Variants in NPC1 observed in about 807,000 individuals in gnomAD.
NPC1 encodes Niemann-Pick C1 protein.
A neutral mutation model predicts 140.4 loss-of-function variants in NPC1; 85 were observed. That is an observed-to-expected ratio of 0.61 (90% confidence interval 0.51 to 0.72). NPC1 has a LOEUF of 0.72. NPC1 is among the 30% of genes least tolerant of loss of function. The pLI is 0.00. For synonymous variants in NPC1, 656 were observed against 624.8 expected, an observed-to-expected ratio of 1.05 and a Z score of -0.74; for missense variants, 1,504 against 1,623.8, an observed-to-expected ratio of 0.93 and a Z score of 1.27.
intron 9 of NPC1, among the ~76,000 whole-genome samples, chr18:23,553,819 G>C (rs946315720): frequency 6.6e-6 from 1 of 152,078 alleles, no homozygotes; most frequent in Non-Finnish European, 1.5e-5. Flanking sequence ...TGCCCAGCTA[G>C]ACATGCCTCC....
Position 23,574,140 on chromosome 18 carries a change from CAAAAGA to C in NPC1, c.58-572_58-567del, listed in dbSNP as rs551852251. Among the ~76,000 whole-genome samples the C allele has an allele frequency of 2.8e-4, 43 of 152,284 alleles. No individual in the cohort carries two copies. The South Asian group carries it at 8.7e-3, about 31-fold the overall frequency. The stretch of plus-strand genomic sequence containing the variant: ...TTAAGGAAAAACACCGAGGCAATCT[CAAAAGA>C]AAATTTTAAAACCTCTTATGTAAAG... On this transcript the variant is annotated intron_variant, in intron 1 of 24. Transcript: ENST00000269228.
At chr18:23,566,111 AT>A (rs1256637788) in intron 4 of NPC1, among the ~76,000 whole-genome samples, 3 of 152,208 alleles carry the variant, frequency 2.0e-5, no homozygotes, top group East Asian at 1.9e-4. Context: ...CATTAAAAAA[AT>A]AATGGACTCG....
At chr18:23,574,531 T>C (rs1296486360) in intron 1 of NPC1, among the ~76,000 whole-genome samples, 1 of 152,086 alleles carries the variant, frequency 6.6e-6, no homozygotes, top group Non-Finnish European at 1.5e-5. Context: ...GGCAAGAAGC[T>C]AAGTCAGTCT....
At chr18:23,519,189 CG>C, downstream of NPC1, 1 of 1,604,866 alleles carries the variant, frequency 6.2e-7, no homozygotes, top group East Asian at 2.2e-5. Flanking sequence ...AAGCTGTCTG[CG>C]TTTCTACCAA....
Position 23,551,706 on chromosome 18 carries a change from A to G in NPC1, c.1575T>C (p.Asp525=). Residue 525 remains aspartate, a synonymous_variant, in exon 10 of 25, where the codon GAT becomes GAC. Coordinates refer to ENST00000269228, the MANE Select transcript of NPC1 (RefSeq NM_000271.5). ...GACAAGGGTCATGGAGCAAACTTGT[A>G]TCATTCAGAGAGGCAGGAGCCCTGC... ...YCVRAPASLN[D]TSLLHDPCLG... is the part of the protein sequence containing the mutation. 1 of 1,614,172 alleles carries G rather than the reference A, an allele frequency of 6.2e-7. No homozygotes were observed. The highest frequency in any genetic ancestry group is 1.1e-5 in the South Asian group (1 of 91,086).
chr18:23,534,636 G>A, intron 22 of NPC1, 77 bp from the exon 23 acceptor site: 1 of 1,181,788 alleles, frequency 8.5e-7, no homozygotes, highest in Non-Finnish European at 1.2e-6. Context: ...CTGAGGATGG[G>A]TGCTAATTAC....
chr18:23,536,294 C>G (rs1048653756), intron 21 of NPC1, among the ~76,000 whole-genome samples: 1 of 152,204 alleles, frequency 6.6e-6, no homozygotes, highest in Admixed American at 6.5e-5. Flanking sequence ...AGTCTACATA[C>G]AGGCAGCATC....
downstream of NPC1, chr18:23,527,819 C>T (rs1372051532): frequency 1.9e-6 from 3 of 1,614,046 alleles, no homozygotes; most frequent in Non-Finnish European, 1.7e-6. Context: ...GACAGAGCAT[C>T]GCTGCCCGTG....
Position 23,539,516 on chromosome 18 carries a change from G to A in NPC1, c.2796-46C>T, listed in dbSNP as rs201497520. On this transcript the variant is annotated intron_variant, in intron 18 of 24. Transcript: ENST00000269228. ...TACTGACCTGCTCCACAGGGAGGAA[G>A]TCTTTAGTTTCAGTACTTTTTCTTA... is the stretch of plus-strand genomic sequence containing the variant. 364 of 1,331,808 alleles carry A rather than the reference G, an allele frequency of 2.7e-4. 3 individuals carry two copies. In the South Asian group the frequency reaches 4.2e-3, roughly 16 times the overall value. 82.5% of individuals were successfully genotyped at this position (1,331,808 alleles called of 1,614,324 possible).
At chr18:23,562,807 C>T (rs2059062935) in intron 4 of NPC1, among the ~76,000 whole-genome samples, 1 of 151,712 alleles carries the variant, frequency 6.6e-6, no homozygotes, top group African/African-American at 2.4e-5. Flanking sequence ...GGCAATATGG[C>T]AAAACCCCGT....
chr18:23,579,030 C>T (rs894186154), intron 1 of NPC1, among the ~76,000 whole-genome samples: 2 of 152,168 alleles, frequency 1.3e-5, no homozygotes, highest in African/African-American at 4.8e-5. Context: ...ACTGCCTGTG[C>T]GACAAGCTTC....
chr18:23,520,129 G>C (rs975747306), downstream of NPC1: 3 of 1,123,042 alleles, frequency 2.7e-6, no homozygotes, highest in Non-Finnish European at 4.1e-6. Flanking sequence ...TAAACAGCAA[G>C]ATGGGATGGA....
rs28942107 is a variant in NPC1 at position 23,536,814 on chromosome 18, G to A, written c.3104C>T (p.Ala1035Val). The A allele has an allele frequency of 3.1e-6, 5 of 1,614,162 alleles. No individual in the cohort carries two copies. Among genetic ancestry groups the A allele is most frequent in the Admixed American group, 1.7e-5 (1 of 60,024 alleles). The change falls in exon 21 of 25, where the codon GCC (alanine) becomes GTC (valine). Residue 1035 changes from alanine to valine, a missense_variant. Coordinates refer to ENST00000269228, the MANE Select transcript of NPC1 (RefSeq NM_000271.5). ...ILLGHGTRVG[A>V]TYFMTYHTVL... is the part of the protein sequence containing the mutation. ...GGTGTGGTAGGTCATGAAGTACGTG[G>A]CTCCGACCCTGGTGCCATGGCCAAG... is the stretch of plus-strand genomic sequence containing the variant.
At chr18:23,538,280 C>T (rs965826670) in intron 20 of NPC1, among the ~76,000 whole-genome samples, 6 of 152,206 alleles carry the variant, frequency 3.9e-5, no homozygotes, top group African/African-American at 9.7e-5. Flanking sequence ...CAGGAATCTG[C>T]GTTCATTCTC....
At chr18:23,510,020 A>T (rs1323186307) in intron 3 of NPC1, among the ~76,000 whole-genome samples, 5 of 131,468 alleles carry the variant, frequency 3.8e-5, no homozygotes, top group Non-Finnish European at 1.6e-5. Context: ...GTAATAAATT[A>T]AAAAAAAAAA....
chr18:23,540,073 G>A, intron 17 of NPC1, 72 bp from the exon 18 acceptor site: 2 of 1,314,502 alleles, frequency 1.5e-6, no homozygotes, highest in Non-Finnish European at 1.1e-6. Flanking sequence ...GAGGATCATG[G>A]AGAATAAGAG....
At chr18:23,543,601 T>A in intron 13 of NPC1, 32 bp from the exon 14 acceptor site, 1 of 1,278,266 alleles carries the variant, frequency 7.8e-7, no homozygotes, top group Non-Finnish European at 1.1e-6. Context: ...TTATGCGACA[T>A]TAAAATTTCT....
chr18:23,509,472 C>T (rs1274565060), intron 3 of NPC1: 2 of 272,832 alleles, frequency 7.3e-6, no homozygotes, highest in East Asian at 1.4e-4. Flanking sequence ...TGGGCTCAAG[C>T]AATCCTCCTG....
At chr18:23,577,359 CAGGG>C in intron 1 of NPC1, among the ~76,000 whole-genome samples, 1 of 65,276 alleles carries the variant, frequency 1.5e-5, no homozygotes, top group Admixed American at 1.6e-4. Context: ...GAGCTAAACA[CAGGG>C]TGCTGATTGG....
Sources: gnomAD v4.1 joint callset for allele counts (sites outside exome capture counted in the v4.1 genomes callset) on GRCh38, gnomAD v4.1.1 for gene constraint, MANE v1.5 for transcripts, NCBI Gene and HGNC (gene_info 2026-07-23, HGNC 2026-07-21) for gene names.